Variants in ADK observed in about 807,000 individuals in gnomAD.
ADK encodes the protein N6,N6-dimethyladenosine kinase.
ADK carries 24 observed loss-of-function variants against 44.7 expected under a neutral mutation model. The ratio of observed to expected loss-of-function variants is 0.54; its 90% CI spans 0.39 to 0.76. The LOEUF (loss-of-function observed/expected upper bound fraction) is 0.76. Among genes scored for constraint, ADK ranks in the 30% least tolerant of loss-of-function variants. The probability of loss-of-function intolerance (pLI) is 0.00; values close to 1 mark genes in which losing one functional copy is unlikely to be tolerated. For synonymous variants in ADK, 128 were observed against 142.6 expected, an observed-to-expected ratio of 0.90 and a Z score of 0.73; for missense variants, 321 against 425.1, an observed-to-expected ratio of 0.76 and a Z score of 2.15.
intron 6 of ADK, among the ~76,000 whole-genome samples, chr10:74,452,142 CAGAGA>C (rs1845801987): frequency 2.6e-5 from 4 of 151,664 alleles, no homozygotes; most frequent in Admixed American, 2.0e-4. Flanking sequence ...AAATTTGTAA[CAGAGA>C]AAATAGGCTT....
chr10:74,686,811 G>A (rs763134427), intron 10 of ADK, among the ~76,000 whole-genome samples: 8 of 151,924 alleles, frequency 5.3e-5, no homozygotes, highest in Non-Finnish European at 4.4e-5. Flanking sequence ...CAAGTAGCTG[G>A]CGACTACAGG....
At chr10:74,376,264 A>G (rs896589299) in intron 4 of ADK, among the ~76,000 whole-genome samples, 1 of 152,148 alleles carries the variant, frequency 6.6e-6, no homozygotes, top group African/African-American at 2.4e-5. Flanking sequence ...TTTAAAAATC[A>G]TATTGATATT....
intron 3 of ADK, among the ~76,000 whole-genome samples, chr10:74,238,799 A>G (rs887805655): frequency 6.0e-5 from 9 of 151,204 alleles, no homozygotes; most frequent in African/African-American, 2.2e-4. Context: ...ACCAAAGAAG[A>G]TAGAAAAATA....
At position 74,491,728 on chromosome 10, in the gene ADK, A is replaced by T. The variant is rs1389229855; in HGVS notation, c.556-33528A>T. 3.3e-5 allele frequency among the ~76,000 whole-genome samples: 5 copies of T among 152,296 alleles called. No homozygotes were observed. The East Asian group carries it at 9.6e-4, about 29-fold the overall frequency. ...ATGAATGACCTTTCATTTTCAATTT[A>T]TCTTTGGTAACTAAGTAGATAAGTG... On this transcript the variant is annotated intron_variant, in intron 6 of 10. Coordinates refer to ENST00000539909, the MANE Select transcript of ADK (RefSeq NM_006721.4).
chr10:74,189,409 T>C (rs1337060428), intron 1 of ADK, among the ~76,000 whole-genome samples: 1 of 152,240 alleles, frequency 6.6e-6, no homozygotes, highest in Non-Finnish European at 1.5e-5. Flanking sequence ...GCCTACCCTG[T>C]GGTGGTCTGT....
intron 4 of ADK, among the ~76,000 whole-genome samples, chr10:74,343,228 G>C (rs1157293959): frequency 2.6e-5 from 4 of 152,012 alleles, no homozygotes; most frequent in Admixed American, 6.6e-5. Flanking sequence ...GCGATTGTGG[G>C]TGCTGACCCA....
At chr10:74,496,252 A>G (rs1847683858) in intron 6 of ADK, among the ~76,000 whole-genome samples, 1 of 152,178 alleles carries the variant, frequency 6.6e-6, no homozygotes, top group Admixed American at 6.5e-5. Context: ...GACTACAGGC[A>G]TGTGCCACTG....
chr10:74,189,569 T>G (rs1842889170), intron 1 of ADK, among the ~76,000 whole-genome samples: 1 of 152,250 alleles, frequency 6.6e-6, no homozygotes, highest in South Asian at 2.1e-4. Context: ...TCAGATAGTT[T>G]TATGTGTTTG....
intron 6 of ADK, among the ~76,000 whole-genome samples, chr10:74,446,950 C>T (rs1042023418): frequency 1.3e-5 from 2 of 152,052 alleles, no homozygotes; most frequent in Non-Finnish European, 2.9e-5. Context: ...CATTTTAAAT[C>T]TTCTACTCTC....
At chr10:74,702,104 A>G (rs1239086053) in intron 10 of ADK, among the ~76,000 whole-genome samples, 2 of 152,054 alleles carry the variant, frequency 1.3e-5, no homozygotes, top group African/African-American at 2.4e-5. Flanking sequence ...TCATCACAGT[A>G]TGAGTTGCTT....
intron 4 of ADK, among the ~76,000 whole-genome samples, chr10:74,353,772 G>T (rs1347613130): frequency 6.6e-6 from 1 of 152,100 alleles, no homozygotes; most frequent in Non-Finnish European, 1.5e-5. Context: ...GGAGGCTGAG[G>T]CAGGAGAATG....
chr10:74,465,894 A>G (rs1464064760), intron 6 of ADK, among the ~76,000 whole-genome samples: 1 of 152,140 alleles, frequency 6.6e-6, no homozygotes, highest in Non-Finnish European at 1.5e-5. Context: ...TTTTTGTCTC[A>G]AACTTGTGAC....
At chr10:74,492,557 T>C (rs183755727) in intron 6 of ADK, among the ~76,000 whole-genome samples, 2 of 152,288 alleles carry the variant, frequency 1.3e-5, no homozygotes, top group East Asian at 3.9e-4. Flanking sequence ...TAGTAAAAGG[T>C]TAAATAACAG....
chr10:74,606,720 G>A (rs1852336071), intron 9 of ADK, among the ~76,000 whole-genome samples: 1 of 152,164 alleles, frequency 6.6e-6, no homozygotes, highest in South Asian at 2.1e-4. Context: ...TGTTGATTTG[G>A]GGTGGAGAGT....
chr10:74,371,881 TC>T, intron 4 of ADK: 1 of 1,468,072 alleles, frequency 6.8e-7, no homozygotes, highest in Non-Finnish European at 9.4e-7. Context: ...CAGGCAGCCT[TC>T]CAAGAGCCAC....
rs1242476637 is a variant in ADK, at chr10:74,273,173, C to CAA, written c.195-41493_195-41492insAA. Among the ~76,000 whole-genome samples, 1,010 of 130,870 alleles carry CAA rather than the reference C, an allele frequency of 7.7e-3. 19 individuals carry two copies. Among genetic ancestry groups the CAA allele is most frequent in the African/African-American group, 0.025 (895 of 36,186 alleles). 85.9% of individuals were successfully genotyped at this position (130,870 alleles called of 152,430 possible). ...AGCTGTCTGGCCTACAGAGGACAGC[C>CAA]AGAAAAAAAAAAAAAATTGCCTTAA... On this transcript the variant is annotated intron_variant, in intron 3 of 10. Transcript: ENST00000539909.
chr10:74,550,768 T>G (rs1414596007), intron 7 of ADK, among the ~76,000 whole-genome samples: 1 of 152,238 alleles, frequency 6.6e-6, no homozygotes, highest in African/African-American at 2.4e-5. Context: ...AATTTTAATT[T>G]TAATTGATTT....
At chr10:74,671,678 C>T (rs1855193486) in intron 10 of ADK, among the ~76,000 whole-genome samples, 2 of 151,922 alleles carry the variant, frequency 1.3e-5, no homozygotes, top group African/African-American at 4.8e-5. Context: ...TTAAGAAAAC[C>T]CTAGTGATTT....
At chr10:74,696,185 TA>T (rs1228944093) in intron 10 of ADK, among the ~76,000 whole-genome samples, 8 of 151,876 alleles carry the variant, frequency 5.3e-5, no homozygotes, top group Admixed American at 3.3e-4. Context: ...CACACCTGGC[TA>T]ATTTTTGTAT....
Sources: allele counts gnomAD v4.1 joint callset (sites outside exome capture counted in the v4.1 genomes callset), GRCh38; gene constraint gnomAD v4.1.1; transcripts MANE v1.5; gene names NCBI Gene and HGNC (gene_info 2026-07-23, HGNC 2026-07-21).